The following LCP2 variants were observed in gnomAD, a reference collection of about 807,000 sequenced individuals.
The protein encoded by LCP2 is lymphocyte cytosolic protein 2.
Under a neutral mutation model 74.5 loss-of-function variants are expected in LCP2, and 29 were observed. The ratio of observed to expected loss-of-function variants is 0.39; its 90% CI spans 0.29 to 0.53. The LOEUF is 0.53. Ranked by LOEUF, LCP2 falls within the 20% of genes least tolerant of loss-of-function variation. The probability of loss-of-function intolerance (pLI) is 0.72; values close to 1 mark genes in which losing one functional copy is unlikely to be tolerated. For synonymous variants in LCP2, 228 were observed against 229.5 expected, an observed-to-expected ratio of 0.99 and a Z score of 0.06; for missense variants, 604 against 634.6, an observed-to-expected ratio of 0.95 and a Z score of 0.52.
At chr5:170,270,318 C>T (rs1050685340) in intron 7 of LCP2, among the ~76,000 whole-genome samples, 1 of 152,160 alleles carries the variant, frequency 6.6e-6, no homozygotes, top group Non-Finnish European at 1.5e-5. Context: ...CATAATAATG[C>T]CATGTAACTA....
At chr5:170,274,976 C>CAA (rs57336424) in intron 5 of LCP2, among the ~76,000 whole-genome samples, 12 of 65,542 alleles carry the variant, frequency 1.8e-4, no homozygotes, top group South Asian at 6.0e-4. Context: ...GACTCTGTCT[C>CAA]AAAAAAAAAA....
At chr5:170,263,520 G>A (rs1223345949) in intron 10 of LCP2, among the ~76,000 whole-genome samples, 1 of 152,176 alleles carries the variant, frequency 6.6e-6, no homozygotes, top group Non-Finnish European at 1.5e-5. Context: ...GACTCTCCTG[G>A]TATGCTGCAA....
chr5:170,267,535 G>A (rs887369738), intron 8 of LCP2, among the ~76,000 whole-genome samples: 3 of 151,816 alleles, frequency 2.0e-5, no homozygotes, highest in Admixed American at 1.3e-4. Context: ...TTCTTCTCCC[G>A]GCTCTTCCCA....
chr5:170,286,646 A>G (rs1016924150), intron 3 of LCP2, among the ~76,000 whole-genome samples: 5 of 152,228 alleles, frequency 3.3e-5, no homozygotes, highest in Non-Finnish European at 7.3e-5. Context: ...AGATCAAGCC[A>G]TCTTCAACAA....
chr5:170,289,673 C>CTT lies in LCP2; in HGVS notation c.142-1658_142-1657insAA, dbSNP rs1443841574. Among the ~76,000 whole-genome samples, 264 of 129,608 alleles carry CTT rather than the reference C, an allele frequency of 2.0e-3. 1 individual carries two copies. Among genetic ancestry groups the CTT allele is most frequent in the East Asian group, 4.3e-3 (20 of 4,616 alleles). The allele number at this position is 129,608 out of a possible 152,430, so 85.0% of individuals were successfully genotyped here. A position where few individuals can be genotyped will look rare whatever the true frequency, so the allele number is the denominator to read the frequency against. On this transcript the variant is annotated intron_variant, in intron 2 of 20. Coordinates refer to ENST00000046794, the MANE Select transcript of LCP2 (RefSeq NM_005565.5). ...TCTTTCTTTCTTTCTTTCTTTCTTT[C>CTT]TCTCTCTCTCTCTTTCTTTCTTTCT...
intron 16 of LCP2, among the ~76,000 whole-genome samples, chr5:170,257,168 C>A (rs1181184463): frequency 6.6e-6 from 1 of 152,170 alleles, no homozygotes; most frequent in Non-Finnish European, 1.5e-5. Flanking sequence ...TGGGAAAAGT[C>A]TGCTCTGCAC....
chr5:170,278,345 G>GGGT (rs1426660972), intron 3 of LCP2, among the ~76,000 whole-genome samples: 1 of 41,218 alleles, frequency 2.4e-5, no homozygotes, highest in Admixed American at 1.9e-4. Context: ...GGGAGTGCAG[G>GGGT]GGGGGGCTGG....
chr5:170,252,809 T>C (rs1204394489), intron 18 of LCP2, among the ~76,000 whole-genome samples: 1 of 152,224 alleles, frequency 6.6e-6, no homozygotes, highest in Non-Finnish European at 1.5e-5. Flanking sequence ...TTTAGCATAA[T>C]AACCTGCTTG....
intron 5 of LCP2, among the ~76,000 whole-genome samples, chr5:170,275,095 G>C (rs1023335436): frequency 1.3e-5 from 2 of 152,096 alleles, no homozygotes; most frequent in African/African-American, 4.8e-5. Context: ...GTGTGTCTCT[G>C]AAGATGGTCC....
At chr5:170,283,529 C>T (rs1046198959) in intron 3 of LCP2, among the ~76,000 whole-genome samples, 5 of 152,210 alleles carry the variant, frequency 3.3e-5, no homozygotes, top group Non-Finnish European at 7.3e-5. Context: ...TTGGTCACCA[C>T]CAACTAACTC....
At position 170,248,699 on chromosome 5, in the gene LCP2, A is replaced by G. The variant is rs199548705; in HGVS notation, c.1600T>C (p.Ter534GlnextTer29). ...TTCATTTGCTCGGCTATAACTTGCTATGGGTACCCTGCAGCATGCGTTAAT... is the reference window on the plus strand; with the variant it reads ...TTCATTTGCTCGGCTATAACTTGCTGTGGGTACCCTGCAGCATGCGTTAAT... ...CTLTHAAGYP* is the reference protein window; with the variant it reads ...CTLTHAAGYPQ Residue 534 changes from the stop codon to glutamine, a stop_lost, in exon 21 of 21, where the codon TAG becomes CAG. Transcript: ENST00000046794. 3.2e-5 allele frequency: 52 copies of G among 1,611,792 alleles called. No individual in the cohort carries two copies. The highest frequency in any genetic ancestry group is 2.1e-4 in the African/African-American group (16 of 74,894).
rs2113141628 is a variant in LCP2, at chr5:170,248,598, T to A, written c.*99A>T. On this transcript the variant is annotated 3_prime_UTR_variant, in exon 21 of 21. Coordinates refer to ENST00000046794, the MANE Select transcript of LCP2 (RefSeq NM_005565.5). ...AAACCCTTGTGTTCATGGGGAGGGG[T>A]TCAGTTCAGTCCTAAGTGTTTGTCC... The A allele has an allele frequency of 7.7e-7, 1 of 1,298,938 alleles. No individual in the cohort carries two copies. Among genetic ancestry groups the A allele is most frequent in the South Asian group, 1.3e-5 (1 of 78,520 alleles). 80.5% of individuals were successfully genotyped at this position (1,298,938 alleles called of 1,614,324 possible).
intron 3 of LCP2, among the ~76,000 whole-genome samples, chr5:170,286,750 T>A (rs1431987618): frequency 6.6e-6 from 1 of 152,220 alleles, no homozygotes; most frequent in Non-Finnish European, 1.5e-5. Context: ...ATAGTCATGC[T>A]AAAAATATTC....
rs766499040 is a variant in LCP2 at position 170,251,568 on chromosome 5, TCTC to T, written c.1324-686_1324-684del. ...TAAGGACTCCTTTAAACTACTCCCT[TCTC>T]CTCATACCAAATCAGGATAGCTTTA... On this transcript the variant is annotated intron_variant, in intron 19 of 20. Transcript: ENST00000046794. The T allele has an allele frequency of 6.5e-4, 293 of 453,178 alleles. 1 individual carries two copies. The highest frequency in any genetic ancestry group is 1.0e-3 in the Non-Finnish European group (231 of 224,828). The allele number at this position is 453,178 out of a possible 1,614,324, so 28.1% of individuals were successfully genotyped here. A position where few individuals can be genotyped will look rare whatever the true frequency, so the allele number is the denominator to read the frequency against.
chr5:170,273,607 G>A (rs187507000), intron 6 of LCP2, among the ~76,000 whole-genome samples: 1 of 152,150 alleles, frequency 6.6e-6, no homozygotes, highest in East Asian at 1.9e-4. Context: ...CTCTCCTGTG[G>A]ACTCAGTTGC....
intron 20 of LCP2, among the ~76,000 whole-genome samples, chr5:170,249,091 G>A (rs1004056821): frequency 6.6e-6 from 1 of 152,282 alleles, no homozygotes; most frequent in Admixed American, 6.5e-5. Context: ...GGAGGCTAAG[G>A]CCGGTGGATC....
At chr5:170,268,361 G>A (rs1055097778) in intron 8 of LCP2, 24 bp downstream of exon 8, 15 of 426,604 alleles carry the variant, frequency 3.5e-5, no homozygotes, top group Non-Finnish European at 3.6e-5. Flanking sequence ...ACCAAGTACT[G>A]TAAAAGAACG....
chr5:170,252,571 GA>G, intron 18 of LCP2, 60 bp from the exon 19 acceptor site: 1 of 825,914 alleles, frequency 1.2e-6, no homozygotes, highest in East Asian at 2.7e-5. Flanking sequence ...TAAGTGAAAA[GA>G]AAAGCCTCTG....
chr5:170,264,798 C>CA (rs1283787706), intron 10 of LCP2, among the ~76,000 whole-genome samples: 3 of 140,114 alleles, frequency 2.1e-5, no homozygotes, highest in Middle Eastern at 3.4e-3. Context: ...GACCCTGACT[C>CA]AAAAAAAACT....
Sources: allele counts gnomAD v4.1 joint callset (sites outside exome capture counted in the v4.1 genomes callset), GRCh38; gene constraint gnomAD v4.1.1; transcripts MANE v1.5; gene names NCBI Gene and HGNC (gene_info 2026-07-23, HGNC 2026-07-21).